Variants in JAZF1 observed in about 807,000 individuals in gnomAD.
JAZF1 encodes JAZF zinc finger 1.
JAZF1 carries 8 observed loss-of-function variants against 26.4 expected under a neutral mutation model. That is an observed-to-expected ratio of 0.30 (90% CI 0.18 to 0.55). The LOEUF (loss-of-function observed/expected upper bound fraction) is 0.55. Among genes scored for constraint, JAZF1 ranks in the 20% least tolerant of loss-of-function variants. JAZF1 has a pLI of 0.94. For missense variants in JAZF1, 199 were observed against 322.0 expected, an observed-to-expected ratio of 0.62 and a Z score of 2.92; for synonymous variants, 126 against 122.3, an observed-to-expected ratio of 1.03 and a Z score of -0.20.
In JAZF1 at chr7:27,892,926, G is replaced by T. The variant is rs186692784; in HGVS notation, c.385+2294C>A. ...ACTTTGACAAAAAATCTATATAATG[G>T]GTATTAGTGACTTGCCCAAGGTGAC... On this transcript the variant is annotated intron_variant, in intron 3 of 4. Coordinates refer to ENST00000283928, the MANE Select transcript of JAZF1 (RefSeq NM_175061.4). 5.8e-4 allele frequency among the ~76,000 whole-genome samples: 88 copies of T among 152,224 alleles called. 1 individual carries two copies. The highest frequency in any genetic ancestry group is 2.1e-4 in the Non-Finnish European group (14 of 68,006).
At chr7:28,060,511 T>C (rs1363566779) in intron 1 of JAZF1, among the ~76,000 whole-genome samples, 2 of 152,190 alleles carry the variant, frequency 1.3e-5, no homozygotes, top group Non-Finnish European at 2.9e-5. Flanking sequence ...CCATTTTAAT[T>C]AGATTCTAAG....
chr7:28,080,835 A>G (rs1784124110), intron 1 of JAZF1, among the ~76,000 whole-genome samples: 1 of 152,192 alleles, frequency 6.6e-6, no homozygotes, highest in African/African-American at 2.4e-5. Context: ...TACAATAACA[A>G]TGAAATTTAA....
At chr7:27,842,798 C>A (rs1782945894) in intron 3 of JAZF1, 1 of 152,150 alleles carries the variant, frequency 6.6e-6, no homozygotes, top group Non-Finnish European at 1.5e-5. Context: ...AAAGCTCCTC[C>A]AGCGGGACTT....
chr7:28,117,277 G>A lies in JAZF1; in HGVS notation c.115+63186C>T, dbSNP rs139636234. Among the ~76,000 whole-genome samples the A allele has an allele frequency of 7.5e-3, 1,139 of 151,696 alleles. 16 individuals are homozygous for A. The highest frequency in any genetic ancestry group is 0.026 in the African/African-American group (1,079 of 41,294). ...TAATGGCTGCTGGATTCTGATTCACGGTTAAAAAGTCCTTCTTACTTCAAG... is the reference window on the plus strand; with the variant it reads ...TAATGGCTGCTGGATTCTGATTCACAGTTAAAAAGTCCTTCTTACTTCAAG... On this transcript the variant is annotated intron_variant, in intron 1 of 4. Coordinates refer to ENST00000283928, the MANE Select transcript of JAZF1 (RefSeq NM_175061.4).
chr7:28,179,919 C>T (rs866359347), intron 1 of JAZF1, among the ~76,000 whole-genome samples: 2 of 145,038 alleles, frequency 1.4e-5, no homozygotes, highest in South Asian at 4.2e-4. Flanking sequence ...ACCCCCGCCC[C>T]CCCGCTCCAC....
chr7:28,039,784 G>A (rs562317606), intron 1 of JAZF1, among the ~76,000 whole-genome samples: 3 of 151,960 alleles, frequency 2.0e-5, no homozygotes, highest in African/African-American at 4.8e-5. Context: ...CCTTCCCCCC[G>A]CCCCAAGGAT....
At chr7:28,094,856 C>G (rs1017726534) in intron 1 of JAZF1, among the ~76,000 whole-genome samples, 8 of 152,178 alleles carry the variant, frequency 5.3e-5, no homozygotes, top group African/African-American at 1.9e-4. Flanking sequence ...TAACAATGCC[C>G]TCTTTCCTCC....
Position 27,832,848 on chromosome 7 carries a change from A to G in JAZF1, c.684T>C (p.Asn228=), listed in dbSNP as rs1341834128. Residue 228 remains asparagine, a synonymous_variant, in exon 5 of 5, where the codon AAT becomes AAC. Coordinates refer to ENST00000283928, the MANE Select transcript of JAZF1 (RefSeq NM_175061.4). ...TCTCAGCCGACACCGGGGGATGGAAATTGATTGTGTGGTGCCGCAGGCCCT... is the reference window on the plus strand; with the variant it reads ...TCTCAGCCGACACCGGGGGATGGAAGTTGATTGTGTGGTGCCGCAGGCCCT... ...TAQGLRHHTI[N]FHPPVSAEII... 1 of 1,609,926 alleles carries G rather than the reference A, an allele frequency of 6.2e-7. No homozygotes were observed. Among genetic ancestry groups the G allele is most frequent in the Non-Finnish European group, 8.5e-7 (1 of 1,177,844 alleles).
intron 1 of JAZF1, among the ~76,000 whole-genome samples, chr7:28,013,244 A>C (rs1037322155): frequency 2.0e-5 from 3 of 152,134 alleles, no homozygotes; most frequent in Non-Finnish European, 4.4e-5. Context: ...AGGGCTGTTC[A>C]CCTTTGAACC....
intron 1 of JAZF1, among the ~76,000 whole-genome samples, chr7:28,047,598 C>T (rs1189458721): frequency 3.3e-5 from 5 of 151,854 alleles, no homozygotes; most frequent in African/African-American, 1.2e-4. Context: ...CCCTTTCATC[C>T]CATAATACTA....
At chr7:28,110,068 C>T (rs951866159) in intron 1 of JAZF1, among the ~76,000 whole-genome samples, 1 of 151,980 alleles carries the variant, frequency 6.6e-6, no homozygotes, top group Non-Finnish European at 1.5e-5. Flanking sequence ...TCATTTGACT[C>T]CTGAAGAGTT....
chr7:28,019,243 G>A (rs978141686), intron 1 of JAZF1, among the ~76,000 whole-genome samples: 1 of 152,148 alleles, frequency 6.6e-6, no homozygotes, highest in Non-Finnish European at 1.5e-5. Context: ...AACCGGCGCT[G>A]ACAAGCCACA....
chr7:28,043,880 A>T (rs1309692387), intron 1 of JAZF1, among the ~76,000 whole-genome samples: 1 of 152,184 alleles, frequency 6.6e-6, no homozygotes, highest in Non-Finnish European at 1.5e-5. Context: ...GAAACAAGAC[A>T]CAAGAGGCCA....
chr7:27,840,889 A>C lies in JAZF1; in HGVS notation c.386-22T>G, dbSNP rs201905025. ...CTGCCTGCAGGACAAGAGAAGTGCAAGGACTGTCAGGAGCGCTCATCTCCC... is the reference window on the plus strand; with the variant it reads ...CTGCCTGCAGGACAAGAGAAGTGCACGGACTGTCAGGAGCGCTCATCTCCC... On this transcript the variant is annotated intron_variant, in intron 3 of 4. Coordinates refer to ENST00000283928, the MANE Select transcript of JAZF1 (RefSeq NM_175061.4). This position sits in a 1 kb window ranked among gnomAD's most constrained non-coding sequence, Gnocchi z 5.1. The C allele has an allele frequency of 1.9e-6, 3 of 1,612,108 alleles. No homozygotes were observed. Among genetic ancestry groups the C allele is most frequent in the Non-Finnish European group, 2.5e-6 (3 of 1,179,042 alleles).
At chr7:27,897,175 A>G (rs575932400) in intron 2 of JAZF1, among the ~76,000 whole-genome samples, 41 of 152,308 alleles carry the variant, frequency 2.7e-4, no homozygotes, top group African/African-American at 9.6e-4. Flanking sequence ...TGGCAAAGCC[A>G]CAGGATAAAC....
At chr7:28,170,513 A>G (rs577239484) in intron 1 of JAZF1, among the ~76,000 whole-genome samples, 68 of 152,208 alleles carry the variant, frequency 4.5e-4, no homozygotes, top group African/African-American at 1.4e-3. Flanking sequence ...ACAATTCAGT[A>G]ATTACAACCA....
At chr7:28,003,073 C>A (rs1365763040) in intron 1 of JAZF1, among the ~76,000 whole-genome samples, 1 of 152,090 alleles carries the variant, frequency 6.6e-6, no homozygotes, top group East Asian at 1.9e-4. Flanking sequence ...TCCAATTAAG[C>A]CATATATTTG....
At chr7:28,174,685 G>GGCCCAAGGCACAGTGCCTC (rs1299754575) in intron 1 of JAZF1, among the ~76,000 whole-genome samples, 1 of 126,766 alleles carries the variant, frequency 7.9e-6, no homozygotes. Flanking sequence ...ATGTTCAACA[G>GGCCCAAGGCACAGTGCCTC]TGATGTTTTA....
intron 1 of JAZF1, among the ~76,000 whole-genome samples, chr7:28,002,035 A>C (rs1782600786): frequency 1.3e-5 from 2 of 152,204 alleles, no homozygotes; most frequent in South Asian, 4.1e-4. Flanking sequence ...AGGGGAGATA[A>C]AAGACTCATG....
Sources: gnomAD v4.1 joint callset for allele counts (sites outside exome capture counted in the v4.1 genomes callset) on GRCh38, gnomAD v4.1.1 for gene constraint, Gnocchi (gnomAD v3.1) non-coding constraint, MANE v1.5 for transcripts, NCBI Gene and HGNC (gene_info 2026-07-23, HGNC 2026-07-21) for gene names.